The following STRIP1 variants were observed in gnomAD, a reference collection of about 807,000 sequenced individuals.
STRIP1 encodes the protein striatin-interacting protein 1.
A neutral mutation model predicts 106.2 loss-of-function variants in STRIP1; 63 were observed. That is an observed-to-expected ratio of 0.59 (90% confidence interval 0.48 to 0.73). The LOEUF is 0.73. STRIP1 is among the 30% of genes least tolerant of loss of function. The pLI is 0.00. For missense variants in STRIP1, 857 were observed against 1,074.8 expected (o/e 0.80, Z 2.83); for synonymous variants, 390 against 413.0 (o/e 0.94, Z 0.67).
chr1:110,042,331 G>T (rs1652803264), intron 8 of STRIP1, among the ~76,000 whole-genome samples: 1 of 152,194 alleles, frequency 6.6e-6, no homozygotes, highest in Admixed American at 6.5e-5. Flanking sequence ...TGCCAGAGTG[G>T]GCCGTCCAGC....
chr1:110,043,970 G>A (rs531611091), intron 10 of STRIP1, 114 bp downstream of exon 10: 24 of 995,908 alleles, frequency 2.4e-5, no homozygotes, highest in Non-Finnish European at 3.1e-5. Context: ...CAGGCTGACC[G>A]TGGCTCTGGG....
At chr1:110,046,581 CTG>C in intron 12 of STRIP1, 97 bp from the exon 13 acceptor site, 11 of 1,015,808 alleles carry the variant, frequency 1.1e-5, no homozygotes, top group South Asian at 5.1e-5. Context: ...TTTCAGAAGA[CTG>C]TGTTTGAAGA....
At chr1:110,038,071 A>AT (rs1652549834) in intron 2 of STRIP1, 111 bp downstream of exon 2, 1 of 129,696 alleles carries the variant, frequency 7.7e-6, no homozygotes, top group African/African-American at 4.5e-5. Flanking sequence ...AGTTCTATCA[A>AT]ATATATATAT....
chr1:110,047,996 C>CA, intron 15 of STRIP1, 127 bp downstream of exon 15: 6 of 770,880 alleles, frequency 7.8e-6, no homozygotes, highest in Admixed American at 2.7e-5. Context: ...ATTTTTGACC[C>CA]AAAAAAAGGA....
chr1:110,048,282 G>A (rs1653125778), intron 15 of STRIP1: 1 of 207,272 alleles, frequency 4.8e-6, no homozygotes, highest in African/African-American at 2.3e-5. Context: ...TTTCGCCAGT[G>A]ATTGGGCACG....
In STRIP1 at chr1:110,049,543, C is replaced by CA. The variant is rs751149284; in HGVS notation, c.1873dup (p.Ile625AsnfsTer19). 1 of 1,610,012 alleles carries CA rather than the reference C, an allele frequency of 6.2e-7. No homozygotes were observed. The highest frequency in any genetic ancestry group is 8.5e-7 in the Non-Finnish European group (1 of 1,177,580). ...TCTTCAATCAAAACATCATGTCCTACATCACTGCCAAGAACAGGTGATGAG... is the reference window on the plus strand; with the variant it reads ...TCTTCAATCAAAACATCATGTCCTACAATCACTGCCAAGAACAGGTGATGAG... On this transcript the variant is annotated frameshift_variant, in exon 17 of 21. Coordinates refer to ENST00000369795, the MANE Select transcript of STRIP1 (RefSeq NM_033088.4). LOFTEE classifies it high-confidence loss of function.
rs1279898992 is a variant in STRIP1, at chr1:110,051,806, C to T, written c.2185C>T (p.Arg729Ter). 3.1e-6 allele frequency: 5 copies of T among 1,613,726 alleles called. No homozygotes were observed. The highest frequency in any genetic ancestry group is 3.4e-6 in the Non-Finnish European group (4 of 1,180,030). Residue 729 changes from arginine (R) to a stop codon, truncating the protein, a stop_gained, in exon 20 of 21, where the codon CGA becomes TGA. Transcript: ENST00000369795. LOFTEE classifies it high-confidence loss of function. ...VQTKYLGRQW[R>*]KSNMKTMSAI... is the part of the protein sequence containing the mutation. ...GACCAAATACTTGGGGCGGCAGTGG[C>T]GAAAGAGCAACATGAAGACCATGTC...
At position 110,043,747 on chromosome 1, in the gene STRIP1, G is replaced by T. The variant is rs1194652834; in HGVS notation, c.1177G>T (p.Gly393Trp). 1.9e-6 allele frequency: 3 copies of T among 1,614,164 alleles called. No individual in the cohort carries two copies. The highest frequency in any genetic ancestry group is 2.5e-6 in the Non-Finnish European group (3 of 1,179,998). The change falls in exon 10 of 21, where the codon GGG (glycine) becomes TGG (tryptophan). Residue 393 changes from glycine to tryptophan, a missense_variant. Gly to Trp is a radical substitution (Grantham distance 184). This residue lies in a region of STRIP1 where 750 missense variants were observed against 989.8 expected (regional missense o/e 0.76). Transcript: ENST00000369795. ...GAATGATGATGACAACAGTCTGGAGGGGGAGACGTTTCCCCTGGAACGGGA... is the reference window on the plus strand; with the variant it reads ...GAATGATGATGACAACAGTCTGGAGTGGGAGACGTTTCCCCTGGAACGGGA... ...EENDDDNSLEGETFPLERDEV... is the reference protein window; with the variant it reads ...EENDDDNSLEWETFPLERDEV...
At chr1:110,048,510 G>A (rs756285667) in intron 15 of STRIP1, among the ~76,000 whole-genome samples, 14 of 152,216 alleles carry the variant, frequency 9.2e-5, no homozygotes, top group African/African-American at 2.9e-4. Flanking sequence ...AGTGATGGCC[G>A]GCTGAGGGAG....
intron 2 of STRIP1, 39 bp from the exon 3 acceptor site, chr1:110,038,644 A>C: frequency 6.4e-7 from 1 of 1,574,436 alleles, no homozygotes; most frequent in Non-Finnish European, 8.7e-7. Flanking sequence ...TGTGCAATGC[A>C]GACATGGAAC....
rs1363133569 is a variant in STRIP1, at chr1:110,054,565, C to G, written c.*653C>G. On this transcript the variant is annotated 3_prime_UTR_variant, in exon 21 of 21. Coordinates refer to ENST00000369795, the MANE Select transcript of STRIP1 (RefSeq NM_033088.4). The stretch of plus-strand genomic sequence containing the variant: ...GGCCTGTAAATATCTATATATAATT[C>G]TGTGTGTATTCTGTGTCATGTTGGG... 6.5e-6 allele frequency: 1 copy of G among 152,754 alleles called. No homozygotes were observed. The highest frequency in any genetic ancestry group is 2.4e-5 in the African/African-American group (1 of 41,420). 9.5% of individuals were successfully genotyped at this position (152,754 alleles called of 1,614,324 possible).
At chr1:110,047,494 A>C (rs1203816020) in intron 13 of STRIP1, 48 bp from the exon 14 acceptor site, 1 of 1,496,178 alleles carries the variant, frequency 6.7e-7, no homozygotes, top group Non-Finnish European at 9.2e-7. Context: ...GGCTCAGGAG[A>C]TTGTATTCTG....
In STRIP1 at chr1:110,039,476, C is replaced by G; in HGVS notation, c.542C>G (p.Thr181Arg). 1 of 1,610,524 alleles carries G rather than the reference C, an allele frequency of 6.2e-7. No individual in the cohort carries two copies. Among genetic ancestry groups the G allele is most frequent in the Non-Finnish European group, 8.5e-7 (1 of 1,178,468 alleles). Reference sequence around the variant, plus strand: ...ATCTTTCTCCTCCTGGAGGTGGGCACGTTCAATGCTTTGGTGGAGCTTCTG... The same window carrying G: ...ATCTTTCTCCTCCTGGAGGTGGGCAGGTTCAATGCTTTGGTGGAGCTTCTG... ...YNIFLLLEVGTFNALVELLNM... is the reference protein window; with the variant it reads ...YNIFLLLEVGRFNALVELLNM... The change falls in exon 5 of 21, where the codon ACG becomes AGG. Residue 181 changes from threonine to arginine, a missense_variant. Transcript: ENST00000369795.
rs758733197 is a variant in STRIP1, at chr1:110,051,669, G to A, written c.2062-14G>A. 3 of 1,588,722 alleles carry A rather than the reference G, an allele frequency of 1.9e-6. No homozygotes were observed. Among genetic ancestry groups the A allele is most frequent in the South Asian group, 1.1e-5 (1 of 88,146 alleles). ...TGTCTTCAACTTGGGCTGCTTGCTT[G>A]TTTCCCTTCCCAGATGCTGGTGGTG... On this transcript the variant is annotated splice_polypyrimidine_tract_variant and intron_variant, in intron 19 of 20. Transcript: ENST00000369795.
At chr1:110,041,229 G>A (rs775154626) in intron 6 of STRIP1, 13 of 227,500 alleles carry the variant, frequency 5.7e-5, no homozygotes, top group South Asian at 9.0e-5. Context: ...GTTGCCTCCC[G>A]GGTGTTAGGA....
Position 110,038,769 on chromosome 1 carries a change from T to G in STRIP1, c.325+12T>G. On this transcript the variant is annotated intron_variant, in intron 3 of 20. Transcript: ENST00000369795. The stretch of plus-strand genomic sequence containing the variant: ...CTTCCGGATCCATGGTGAGATGATT[T>G]CCCACACTTCTTGCTTCCTTTGCCC... The G allele has an allele frequency of 6.2e-7, 1 of 1,612,544 alleles. No individual in the cohort carries two copies. Among genetic ancestry groups the G allele is most frequent in the Non-Finnish European group, 8.5e-7 (1 of 1,178,592 alleles).
At chr1:110,034,893 G>A (rs1652364402) in intron 1 of STRIP1, 76 bp downstream of exon 1, 1 of 1,327,116 alleles carries the variant, frequency 7.5e-7, no homozygotes, top group South Asian at 1.8e-5. Flanking sequence ...CCACTCTAGG[G>A]GCCAGGTTGG....
At chr1:110,050,907 G>A (rs1457289225) in intron 18 of STRIP1, 49 bp from the exon 19 acceptor site, 1 of 1,088,110 alleles carries the variant, frequency 9.2e-7, no homozygotes, top group South Asian at 1.2e-5. Flanking sequence ...GGAAACTGCT[G>A]CACACACTGC....
intron 2 of STRIP1, chr1:110,038,363 C>T (rs1652596890): frequency 3.3e-6 from 1 of 304,628 alleles, no homozygotes; most frequent in Non-Finnish European, 6.2e-6. Context: ...TCTCCAGCCT[C>T]TACAATACAC....
Sources: allele counts gnomAD v4.1 joint callset (sites outside exome capture counted in the v4.1 genomes callset), GRCh38; gene constraint gnomAD v4.1.1; regional missense constraint gnomAD v4.1.1; transcripts MANE v1.5; gene names NCBI Gene and HGNC (gene_info 2026-07-23, HGNC 2026-07-21).